The following NPHS1 variants were observed in gnomAD, a reference collection of about 807,000 sequenced individuals.
NPHS1 encodes the protein nephrin.
A neutral mutation model predicts 139.7 loss-of-function variants in NPHS1; 107 were observed. The observed-to-expected ratio is 0.77, with a 90% CI of 0.66 to 0.90. The LOEUF (loss-of-function observed/expected upper bound fraction) is 0.90, where lower values mean the gene tolerates loss of function less well. NPHS1 is among the 40% of genes least tolerant of loss of function. The pLI, the probability that NPHS1 is intolerant of heterozygous loss-of-function variation, is 0.00. For synonymous variants in NPHS1, 707 were observed against 706.6 expected, an observed-to-expected ratio of 1.00 and a Z score of -0.01; for missense variants, 1,580 against 1,654.2, an observed-to-expected ratio of 0.96 and a Z score of 0.78.
intron 11 of NPHS1, among the ~76,000 whole-genome samples, chr19:35,846,433 G>T (rs1241907359): frequency 6.6e-6 from 1 of 152,188 alleles, no homozygotes; most frequent in African/African-American, 2.4e-5. Flanking sequence ...CAGTTTTGGG[G>T]ATCTGAATCC....
intron 23 of NPHS1, among the ~76,000 whole-genome samples, chr19:35,834,129 C>A (rs73032157): frequency 6.6e-6 from 1 of 152,094 alleles, no homozygotes; most frequent in East Asian, 1.9e-4. Flanking sequence ...TCCTTGAGTG[C>A]GGGGCCTTTC....
chr19:35,842,497 T>C lies in NPHS1; in HGVS notation c.2388A>G (p.Gly796=), dbSNP rs1568453376. 2 of 1,613,958 alleles carry C rather than the reference T, an allele frequency of 1.2e-6. No homozygotes were observed. Among genetic ancestry groups the C allele is most frequent in the African/African-American group, 2.7e-5 (2 of 74,892 alleles). ...GGTGAATCCGCAGGCGCCCCGTTGG[T>C]CCCCTGGATATCTTCTCCATGTCAT... ...SLDDMEKISR[G]PTGRLRIHHA... The change falls in exon 18 of 29, where the codon GGA becomes GGG. Residue 796 remains glycine (G), a synonymous_variant. Coordinates refer to ENST00000378910, the MANE Select transcript of NPHS1 (RefSeq NM_004646.4).
intron 17 of NPHS1, among the ~76,000 whole-genome samples, 192 bp downstream of exon 17, chr19:35,843,280 G>T (rs56117924): frequency 6.6e-6 from 1 of 151,944 alleles, no homozygotes; most frequent in Non-Finnish European, 1.5e-5. Flanking sequence ...CTACCCACTC[G>T]CCTGGCTGTC....
At chr19:35,836,317 G>T (rs1253188190) in intron 22 of NPHS1, among the ~76,000 whole-genome samples, 1 of 150,256 alleles carries the variant, frequency 6.7e-6, no homozygotes, top group East Asian at 2.0e-4. Flanking sequence ...GAGTGCAGTG[G>T]TATGATCATA....
At position 35,842,248 on chromosome 19, in the gene NPHS1, T is replaced by G; in HGVS notation, c.2539A>C (p.Thr847Pro). The G allele has an allele frequency of 6.2e-7, 1 of 1,613,304 alleles. No homozygotes were observed. Among genetic ancestry groups the G allele is most frequent in the Non-Finnish European group, 8.5e-7 (1 of 1,179,944 alleles). ...APQVEHPTPL[T>P]KVAAAGDSTS... Reference sequence around the variant, plus strand: ...CTGTCTCCAGCTGCAGCCACCTTAGTTAGGGGAGTGGGGTGCTCCACCTGG... The same window carrying G: ...CTGTCTCCAGCTGCAGCCACCTTAGGTAGGGGAGTGGGGTGCTCCACCTGG... The change falls in exon 19 of 29, where the codon ACT becomes CCT. Residue 847 changes from threonine (T) to proline (P), a missense_variant. Coordinates refer to ENST00000378910, the MANE Select transcript of NPHS1 (RefSeq NM_004646.4).
chr19:35,835,293 C>CT lies in NPHS1; in HGVS notation c.3166+411dup, dbSNP rs34868479. On this transcript the variant is annotated intron_variant, in intron 23 of 28. Transcript: ENST00000378910. ...CAATTCTGCAGGGACAGAACTAAGTCTTTTTTTTTTTTTTTTTTTTTTTTG... is the reference window on the plus strand; with the variant it reads ...CAATTCTGCAGGGACAGAACTAAGTCTTTTTTTTTTTTTTTTTTTTTTTTTG... 6.9e-3 allele frequency among the ~76,000 whole-genome samples: 262 copies of CT among 37,888 alleles called. 5 individuals are homozygous for CT. The highest frequency in any genetic ancestry group is 0.014 in the African/African-American group (168 of 12,144). The allele number at this position is 37,888 out of a possible 152,430, so 24.9% of individuals were successfully genotyped here.
At position 35,826,136 on chromosome 19, in the gene NPHS1, G is replaced by T. The variant is rs1035177888; in HGVS notation, c.*378C>A. On this transcript the variant is annotated 3_prime_UTR_variant, in exon 29 of 29. Coordinates refer to ENST00000378910, the MANE Select transcript of NPHS1 (RefSeq NM_004646.4). ...AATTTTTTATATTTTTAGTAGAAATGGAGTTTTACCATGTTGGCCAGGCTG... is the reference window on the plus strand; with the variant it reads ...AATTTTTTATATTTTTAGTAGAAATTGAGTTTTACCATGTTGGCCAGGCTG... 1.3e-5 allele frequency: 3 copies of T among 230,812 alleles called. No homozygotes were observed. Among genetic ancestry groups the T allele is most frequent in the Non-Finnish European group, 2.7e-5 (3 of 113,056 alleles). The allele number at this position is 230,812 out of a possible 1,614,324, so 14.3% of individuals were successfully genotyped here. A position where few individuals can be genotyped will look rare whatever the true frequency, so the allele number is the denominator to read the frequency against.
chr19:35,845,221 G>T lies in NPHS1; in HGVS notation c.1930+147C>A, dbSNP rs926106996. 9 of 880,718 alleles carry T rather than the reference G, an allele frequency of 1.0e-5. No homozygotes were observed. In the Admixed American group the frequency reaches 1.7e-4, roughly 17 times the overall value. 54.6% of individuals were successfully genotyped at this position (880,718 alleles called of 1,614,324 possible). ...GGAGTTGGAGACTGCAGTGACCTATGATTGCGTCACTGCATTGCAGCCTGA... is the reference window on the plus strand; with the variant it reads ...GGAGTTGGAGACTGCAGTGACCTATTATTGCGTCACTGCATTGCAGCCTGA... On this transcript the variant is annotated intron_variant, in intron 14 of 28. Coordinates refer to ENST00000378910, the MANE Select transcript of NPHS1 (RefSeq NM_004646.4). This position sits in a 1 kb window ranked among gnomAD's most constrained non-coding sequence, Gnocchi z 5.5.
At chr19:35,831,393 G>A (rs749696999) in intron 25 of NPHS1, 22 bp from the exon 26 acceptor site, 6 of 1,613,696 alleles carry the variant, frequency 3.7e-6, no homozygotes, top group Non-Finnish European at 5.1e-6. Flanking sequence ...AAGGTGTGGG[G>A]GGAAGTTGAG....
intron 28 of NPHS1, among the ~76,000 whole-genome samples, chr19:35,829,788 C>T (rs1293089434): frequency 6.6e-6 from 1 of 152,064 alleles, no homozygotes; most frequent in Non-Finnish European, 1.5e-5. Flanking sequence ...ATCCACCCAC[C>T]TCAGCCTCTC....
At chr19:35,832,707 TA>T (rs1972900366) in intron 23 of NPHS1, among the ~76,000 whole-genome samples, 2 of 151,492 alleles carry the variant, frequency 1.3e-5, no homozygotes, top group Non-Finnish European at 2.9e-5. Context: ...GCCGATATGG[TA>T]AAACCCTGTC....
At chr19:35,841,560 T>A (rs1973055688) in intron 20 of NPHS1, among the ~76,000 whole-genome samples, 155 bp downstream of exon 20, 1 of 152,110 alleles carries the variant, frequency 6.6e-6, no homozygotes, top group Non-Finnish European at 1.5e-5. Flanking sequence ...GAAGATCCAG[T>A]CTCCATTAGG....
intron 6 of NPHS1, 52 bp downstream of exon 6, chr19:35,849,498 C>T: frequency 2.5e-6 from 4 of 1,594,604 alleles, no homozygotes; most frequent in Non-Finnish European, 3.4e-6. Flanking sequence ...CCACACCCCC[C>T]AGTGCCTGCT....
At position 35,839,383 on chromosome 19, in the gene NPHS1, A is replaced by G. The variant is rs757717696; in HGVS notation, c.2963T>C (p.Val988Ala). The G allele has an allele frequency of 1.7e-5, 27 of 1,614,072 alleles. No individual in the cohort carries two copies. Among genetic ancestry groups the G allele is most frequent in the Non-Finnish European group, 2.2e-5 (26 of 1,180,020 alleles). Residue 988 changes from valine to alanine, a missense_variant, in exon 22 of 29, where the codon GTG becomes GCG. Physicochemically the swap from Val to Ala is moderately conservative, Grantham distance 64. Transcript: ENST00000378910. ...GGTGGCCTGGGGTGGTACGACATCC[A>G]CATAGTGGAACCCTGGAGTCCCCAG... ...EALGTPGFHYVDVVPPQATTF... is the reference protein window; with the variant it reads ...EALGTPGFHYADVVPPQATTF...
At chr19:35,833,484 G>C (rs1414345497) in intron 23 of NPHS1, among the ~76,000 whole-genome samples, 1 of 152,180 alleles carries the variant, frequency 6.6e-6, no homozygotes, top group Non-Finnish European at 1.5e-5. Context: ...GACCCAACGT[G>C]TGTTTTTAAC....
At position 35,846,139 on chromosome 19, in the gene NPHS1, A is replaced by T; in HGVS notation, c.1496T>A (p.Leu499His). 1 of 1,598,444 alleles carries T rather than the reference A, an allele frequency of 6.3e-7. No individual in the cohort carries two copies. The highest frequency in any genetic ancestry group is 1.1e-5 in the South Asian group (1 of 88,338). Residue 499 changes from leucine to histidine, a missense_variant, in exon 12 of 29, where the codon CTC becomes CAC. Physicochemically the swap from Leu to His is moderately conservative, Grantham distance 99. Coordinates refer to ENST00000378910, the MANE Select transcript of NPHS1 (RefSeq NM_004646.4). ...RLPQESRRVH[L>H]GSVEKSGSTF... is the part of the protein sequence containing the mutation. ...GCTCCCAGATTTCTCCACGCTGCCG[A>T]GATGCACGCGCCGCGACTCCTGCGG... is the stretch of plus-strand genomic sequence containing the variant.
chr19:35,849,120 C>T lies in NPHS1; in HGVS notation c.868G>A (p.Gly290Ser). The T allele has an allele frequency of 6.2e-7, 1 of 1,609,746 alleles. No homozygotes were observed. Among genetic ancestry groups the T allele is most frequent in the Non-Finnish European group, 8.5e-7 (1 of 1,180,018 alleles). ...GCCACCGCCTGGGTGTGCTCTGTGC[C>T]CCACGCTGTGGACACCGGCTGGCCA... Reference protein sequence around the residue: ...KNGQPVSTAWGTEHTQAVARS... With the variant: ...KNGQPVSTAWSTEHTQAVARS... Residue 290 changes from glycine (G) to serine (S), a missense_variant, in exon 8 of 29, where the codon GGC (glycine) becomes AGC (serine). Physicochemically the swap from Gly to Ser is moderately conservative, Grantham distance 56. Coordinates refer to ENST00000378910, the MANE Select transcript of NPHS1 (RefSeq NM_004646.4).
chr19:35,843,326 A>G (rs1973087310), intron 17 of NPHS1, 146 bp downstream of exon 17: 2 of 1,049,846 alleles, frequency 1.9e-6, no homozygotes, highest in African/African-American at 1.6e-5. Flanking sequence ...TGCCACCAAC[A>G]GTTATTCATT....
At chr19:35,827,720 C>G (rs960749661) in intron 28 of NPHS1, among the ~76,000 whole-genome samples, 3 of 152,110 alleles carry the variant, frequency 2.0e-5, no homozygotes, top group Non-Finnish European at 4.4e-5. Context: ...GGATTCGAGA[C>G]CAGCCTGGGC....
Sources: gnomAD v4.1 joint callset for allele counts (sites outside exome capture counted in the v4.1 genomes callset) on GRCh38, gnomAD v4.1.1 for gene constraint, Gnocchi (gnomAD v3.1) non-coding constraint, MANE v1.5 for transcripts, NCBI Gene and HGNC (gene_info 2026-07-23, HGNC 2026-07-21) for gene names.